ATXN7L1: variants seen among roughly 807,000 people sequenced by gnomAD.
ATXN7L1 encodes ataxin 7 like 1.
A neutral mutation model predicts 70.8 loss-of-function variants in ATXN7L1; 15 were observed. That is an observed-to-expected ratio of 0.21 (90% CI 0.14 to 0.33). The LOEUF (loss-of-function observed/expected upper bound fraction) is 0.33. Ranked by LOEUF, ATXN7L1 falls within the 10% of genes least tolerant of loss-of-function variation. The pLI, the probability that ATXN7L1 is intolerant of heterozygous loss-of-function variation, is 1.00. For synonymous variants in ATXN7L1, 440 were observed against 445.1 expected (o/e 0.99, Z 0.14); for missense variants, 975 against 1,097.1 (o/e 0.89, Z 1.57).
chr7:105,688,573 G>T (rs1790292902), intron 3 of ATXN7L1, among the ~76,000 whole-genome samples: 1 of 151,976 alleles, frequency 6.6e-6, no homozygotes, highest in Non-Finnish European at 1.5e-5. Flanking sequence ...ATCCCAATCG[G>T]CTGTTTTCAG....
chr7:105,763,444 T>A (rs1458079487), intron 3 of ATXN7L1, among the ~76,000 whole-genome samples: 1 of 152,208 alleles, frequency 6.6e-6, no homozygotes, highest in African/African-American at 2.4e-5. Context: ...GGAGAATGAC[T>A]TTTTTGCAGA....
At chr7:105,718,034 C>T (rs573723401) in intron 3 of ATXN7L1, among the ~76,000 whole-genome samples, 33 of 152,238 alleles carry the variant, frequency 2.2e-4, no homozygotes, top group Non-Finnish European at 4.1e-4. Context: ...AGCATTAAAA[C>T]GTTCTTTTGG....
intron 3 of ATXN7L1, among the ~76,000 whole-genome samples, chr7:105,767,962 G>A (rs890125259): frequency 6.6e-6 from 1 of 152,210 alleles, no homozygotes; most frequent in Admixed American, 6.5e-5. Flanking sequence ...CCCCTTATTT[G>A]TTTCTAAATT....
intron 3 of ATXN7L1, among the ~76,000 whole-genome samples, chr7:105,737,413 G>A (rs912370277): frequency 6.6e-6 from 1 of 152,130 alleles, no homozygotes; most frequent in Non-Finnish European, 1.5e-5. Flanking sequence ...ACAATTCCAC[G>A]AAGTAGATAC....
chr7:105,807,342 A>T (rs889900482), intron 2 of ATXN7L1, among the ~76,000 whole-genome samples: 2 of 152,154 alleles, frequency 1.3e-5, no homozygotes, highest in African/African-American at 4.8e-5. Context: ...CAGAATTTGA[A>T]CACTGTGTGT....
At chr7:105,772,434 A>C (rs1486112490) in intron 3 of ATXN7L1, among the ~76,000 whole-genome samples, 1 of 152,200 alleles carries the variant, frequency 6.6e-6, no homozygotes, top group Non-Finnish European at 1.5e-5. Flanking sequence ...CCTAAAACAA[A>C]ATGACACAGA....
At chr7:105,699,653 A>G (rs946622402) in intron 3 of ATXN7L1, among the ~76,000 whole-genome samples, 1 of 152,178 alleles carries the variant, frequency 6.6e-6, no homozygotes, top group African/African-American at 2.4e-5. Flanking sequence ...AAGTTCCCAA[A>G]GATAATACTT....
intron 3 of ATXN7L1, among the ~76,000 whole-genome samples, chr7:105,746,771 CA>C (rs946761744): frequency 3.3e-5 from 5 of 151,998 alleles, no homozygotes; most frequent in African/African-American, 1.2e-4. Context: ...ATTATTAAGT[CA>C]AAAAGCAAGG....
At chr7:105,798,380 G>A (rs1806306152) in intron 2 of ATXN7L1, among the ~76,000 whole-genome samples, 1 of 152,238 alleles carries the variant, frequency 6.6e-6, no homozygotes, top group African/African-American at 2.4e-5. Context: ...CAGACTGTGT[G>A]TGATCCTGGG....
At chr7:105,695,191 G>A (rs1400461456) in intron 3 of ATXN7L1, among the ~76,000 whole-genome samples, 5 of 152,200 alleles carry the variant, frequency 3.3e-5, no homozygotes, top group African/African-American at 1.2e-4. Flanking sequence ...GGAGGCTGAG[G>A]CAGGAGAATT....
At chr7:105,760,406 C>T (rs1800390227) in intron 3 of ATXN7L1, 1 of 978,392 alleles carries the variant, frequency 1.0e-6, no homozygotes, top group Non-Finnish European at 1.2e-6. Context: ...TAAAACAGCA[C>T]AGCCAGCAGG....
intron 3 of ATXN7L1, among the ~76,000 whole-genome samples, chr7:105,682,292 C>A (rs1805646752): frequency 6.6e-6 from 1 of 152,116 alleles, no homozygotes; most frequent in Admixed American, 6.6e-5. Flanking sequence ...AATGTGAATA[C>A]ACTTAATTCC....
chr7:105,634,822 G>T (rs987852313), intron 7 of ATXN7L1, among the ~76,000 whole-genome samples: 1 of 151,862 alleles, frequency 6.6e-6, no homozygotes, highest in Non-Finnish European at 1.5e-5. Context: ...GCTCATGCCT[G>T]TAATCCCAGC....
chr7:105,777,221 T>A (rs1802861428), intron 3 of ATXN7L1, among the ~76,000 whole-genome samples: 1 of 152,146 alleles, frequency 6.6e-6, no homozygotes, highest in South Asian at 2.1e-4. Flanking sequence ...TTGAGTTGGG[T>A]GGCAGCTAAG....
At chr7:105,664,575 G>GTATATATATATATATATATATATA (rs1554416470) in intron 4 of ATXN7L1, among the ~76,000 whole-genome samples, 26 of 131,948 alleles carry the variant, frequency 2.0e-4, no homozygotes, top group East Asian at 1.9e-3. Context: ...GTATGTGTGT[G>GTATATATATATATATATATATATA]TATATATATA....
chr7:105,626,491 A>G (rs1795712400), intron 7 of ATXN7L1, among the ~76,000 whole-genome samples: 1 of 152,238 alleles, frequency 6.6e-6, no homozygotes, highest in African/African-American at 2.4e-5. Flanking sequence ...TGTGTTATGT[A>G]TATTTTACTA....
chr7:105,678,540 A>G (rs1446577619), intron 3 of ATXN7L1, among the ~76,000 whole-genome samples: 1 of 152,234 alleles, frequency 6.6e-6, no homozygotes, highest in Non-Finnish European at 1.5e-5. Context: ...GTTTCAAACA[A>G]TTTGTACAGT....
chr7:105,679,847 C>A (rs572227743), intron 3 of ATXN7L1, among the ~76,000 whole-genome samples: 16 of 151,942 alleles, frequency 1.1e-4, no homozygotes, highest in Non-Finnish European at 2.2e-4. Flanking sequence ...GGTTGCACAA[C>A]ATTGTGAAGG....
chr7:105,618,014 A>G (rs564512013), intron 9 of ATXN7L1: 25 of 456,732 alleles, frequency 5.5e-5, no homozygotes, highest in Admixed American at 3.8e-4. Flanking sequence ...GGCAGCCCCA[A>G]TGTTGCTCAG....
Sources: allele counts gnomAD v4.1 joint callset (sites outside exome capture counted in the v4.1 genomes callset), GRCh38; gene constraint gnomAD v4.1.1; transcripts MANE v1.5; gene names NCBI Gene and HGNC (gene_info 2026-07-23, HGNC 2026-07-21).